Variants in SUGCT observed in about 807,000 individuals in gnomAD.
The protein encoded by SUGCT is succinyl-CoA:glutarate-CoA transferase, also known as succinyl-CoA:glutarate CoA-transferase.
Under a neutral mutation model 55.0 loss-of-function variants are expected in SUGCT, and 41 were observed. The observed-to-expected ratio is 0.74, with a 90% CI of 0.58 to 0.97. The LOEUF is 0.97. Among genes scored for constraint, SUGCT ranks in the 50% least tolerant of loss-of-function variants. The pLI, the probability that SUGCT is intolerant of heterozygous loss-of-function variation, is 0.00. For missense variants in SUGCT, 568 were observed against 547.8 expected (o/e 1.04, Z -0.37); for synonymous variants, 187 against 200.4 (o/e 0.93, Z 0.56).
chr7:40,201,508 CAG>C (rs761463665), intron 6 of SUGCT, among the ~76,000 whole-genome samples: 5 of 152,062 alleles, frequency 3.3e-5, no homozygotes, highest in Non-Finnish European at 7.4e-5. Context: ...ATTTTTTCAC[CAG>C]AGTTTCAGGA....
chr7:40,203,648 G>A (rs1445085173), intron 6 of SUGCT, among the ~76,000 whole-genome samples: 2 of 151,896 alleles, frequency 1.3e-5, no homozygotes, highest in African/African-American at 4.8e-5. Context: ...GGTGGTGCAC[G>A]CCTGTAATCC....
At chr7:40,724,481 T>G (rs542027038) in intron 12 of SUGCT, among the ~76,000 whole-genome samples, 102 of 151,774 alleles carry the variant, frequency 6.7e-4, no homozygotes, top group Middle Eastern at 6.8e-3. Context: ...GAGAATGACA[T>G]GAACCTGGGA....
At chr7:40,417,180 C>T (rs936471665) in intron 9 of SUGCT, among the ~76,000 whole-genome samples, 2 of 151,892 alleles carry the variant, frequency 1.3e-5, no homozygotes, top group African/African-American at 4.8e-5. Context: ...ATCCTGGCAG[C>T]GTGAATTTTT....
At chr7:40,415,107 T>TCTAACTAA (rs35308223) in intron 9 of SUGCT, among the ~76,000 whole-genome samples, 1 of 108,012 alleles carries the variant, frequency 9.3e-6, no homozygotes, top group Non-Finnish European at 1.9e-5. Flanking sequence ...TATCTATCTA[T>TCTAACTAA]CTATCTATAT....
intron 7 of SUGCT, among the ~76,000 whole-genome samples, chr7:40,248,298 A>G (rs1790051625): frequency 6.6e-6 from 1 of 152,160 alleles, no homozygotes; most frequent in African/African-American, 2.4e-5. Flanking sequence ...GGCATGAGCC[A>G]CCACGCCCGG....
chr7:40,943,501 A>G, the SUGCT span, among the ~76,000 whole-genome samples: 1 of 138,644 alleles, frequency 7.2e-6, no homozygotes, highest in Non-Finnish European at 1.5e-5. Context: ...TCATTGTTCA[A>G]TTCCCATCTA....
intron 9 of SUGCT, among the ~76,000 whole-genome samples, chr7:40,411,830 C>T (rs538524290): frequency 6.6e-6 from 1 of 152,200 alleles, no homozygotes; most frequent in Non-Finnish European, 1.5e-5. Flanking sequence ...TCCCAATTGC[C>T]CTGATTTGAT....
chr7:40,244,383 C>A (rs1415145484), intron 7 of SUGCT, among the ~76,000 whole-genome samples: 2 of 152,052 alleles, frequency 1.3e-5, no homozygotes, highest in African/African-American at 4.8e-5. Flanking sequence ...TTAGGGAAAA[C>A]AATAGGCCAG....
At chr7:40,567,985 A>G (rs952101434) in intron 12 of SUGCT, among the ~76,000 whole-genome samples, 2 of 152,224 alleles carry the variant, frequency 1.3e-5, no homozygotes, top group Non-Finnish European at 2.9e-5. Context: ...AGACTTTGTC[A>G]TTTTCAAAAG....
chr7:40,661,781 A>G (rs1303267270), intron 12 of SUGCT, among the ~76,000 whole-genome samples: 7 of 152,088 alleles, frequency 4.6e-5, no homozygotes, highest in East Asian at 1.9e-4. Flanking sequence ...CTGCAACACA[A>G]CATCCTCTTG....
the SUGCT span, among the ~76,000 whole-genome samples, chr7:40,994,818 G>A: frequency 3.3e-5 from 5 of 152,044 alleles, no homozygotes; most frequent in Admixed American, 2.0e-4. Flanking sequence ...CTGAGTTCAC[G>A]CCAGATCTGG....
chr7:40,902,836 G>T, the SUGCT span, among the ~76,000 whole-genome samples: 5 of 152,068 alleles, frequency 3.3e-5, no homozygotes, highest in South Asian at 2.1e-4. Flanking sequence ...TTCTGAAAAG[G>T]CAGAGAAACA....
At chr7:40,320,928 C>T (rs1038229028) in intron 9 of SUGCT, among the ~76,000 whole-genome samples, 1 of 152,108 alleles carries the variant, frequency 6.6e-6, no homozygotes, top group Non-Finnish European at 1.5e-5. Flanking sequence ...TTTCTCCTCC[C>T]TCACTCCCCT....
At chr7:40,618,475 A>G (rs984885052) in intron 12 of SUGCT, among the ~76,000 whole-genome samples, 1 of 152,238 alleles carries the variant, frequency 6.6e-6, no homozygotes, top group African/African-American at 2.4e-5. Context: ...CACATGACCA[A>G]GTAACTTTGT....
At chr7:40,139,165 A>G (rs1787855383) in intron 1 of SUGCT, among the ~76,000 whole-genome samples, 2 of 150,788 alleles carry the variant, frequency 1.3e-5, no homozygotes, top group Non-Finnish European at 1.5e-5. Flanking sequence ...TAAATAAATA[A>G]ATAAATAAAT....
At position 40,780,016 on chromosome 7, in the gene SUGCT, T is replaced by C. The variant is rs1352772251; in HGVS notation, c.1153+30519T>C. On this transcript the variant is annotated intron_variant, in intron 13 of 13. Transcript: ENST00000335693. ...ATCATCATACTCTCCTGTTGTTTAA[T>C]TGAAACTCTAATGGTTTTATTTACC... 2.6e-5 allele frequency among the ~76,000 whole-genome samples: 4 copies of C among 152,218 alleles called. No individual in the cohort carries two copies. The South Asian group carries it at 6.2e-4, about 24-fold the overall frequency.
At chr7:40,899,778 T>C in the SUGCT span, among the ~76,000 whole-genome samples, 1 of 152,140 alleles carries the variant, frequency 6.6e-6, no homozygotes, top group Admixed American at 6.5e-5. Context: ...AACCTTTCAA[T>C]GTTGAAATAT....
chr7:40,612,046 C>T (rs1798790447), intron 12 of SUGCT, among the ~76,000 whole-genome samples: 1 of 148,614 alleles, frequency 6.7e-6, no homozygotes, highest in South Asian at 2.2e-4. Flanking sequence ...TGATTAGTAA[C>T]AACATTCTTA....
the SUGCT span, among the ~76,000 whole-genome samples, chr7:40,937,231 C>T: frequency 6.6e-6 from 1 of 152,136 alleles, no homozygotes; most frequent in Non-Finnish European, 1.5e-5. Flanking sequence ...TGCAGTGGCT[C>T]AATCTCGGCT....
Sources: allele counts gnomAD v4.1 joint callset (sites outside exome capture counted in the v4.1 genomes callset), GRCh38; gene constraint gnomAD v4.1.1; transcripts MANE v1.5; gene names NCBI Gene and HGNC (gene_info 2026-07-23, HGNC 2026-07-21).